Variants in KLHL8 observed in about 807,000 individuals in gnomAD.
The protein encoded by KLHL8 is kelch-like protein 8.
A neutral mutation model predicts 63.5 loss-of-function variants in KLHL8; 38 were observed. The ratio of observed to expected loss-of-function variants is 0.60; its 90% CI spans 0.46 to 0.78. The LOEUF (loss-of-function observed/expected upper bound fraction) is 0.78, where lower values mean the gene tolerates loss of function less well. KLHL8 is among the 30% of genes least tolerant of loss of function. The probability of loss-of-function intolerance (pLI) is 0.00; values close to 1 mark genes in which losing one functional copy is unlikely to be tolerated. For synonymous variants in KLHL8, 224 were observed against 254.3 expected (o/e 0.88, Z 1.13); for missense variants, 566 against 752.4 (o/e 0.75, Z 2.90).
chr4:87,238,815 A>G (rs1733279571), intron 1 of KLHL8, among the ~76,000 whole-genome samples: 1 of 152,234 alleles, frequency 6.6e-6, no homozygotes, highest in South Asian at 2.1e-4. Flanking sequence ...GTGCTCAAGC[A>G]TCCATAATTT....
At chr4:87,208,502 C>T (rs890764367) in intron 1 of KLHL8, among the ~76,000 whole-genome samples, 1 of 151,854 alleles carries the variant, frequency 6.6e-6, no homozygotes, top group South Asian at 2.1e-4. Context: ...CATGCTGGGC[C>T]AATTTTTGTA....
At chr4:87,231,277 T>C (rs1733134216) in intron 1 of KLHL8, among the ~76,000 whole-genome samples, 1 of 152,236 alleles carries the variant, frequency 6.6e-6, no homozygotes, top group South Asian at 2.1e-4. Flanking sequence ...CTTCCCTTTC[T>C]TTCTTTCTTC....
intron 1 of KLHL8, among the ~76,000 whole-genome samples, chr4:87,217,466 C>G (rs1175423774): frequency 1.3e-5 from 2 of 151,956 alleles, no homozygotes; most frequent in Non-Finnish European, 2.9e-5. Flanking sequence ...TCCCGAGTAG[C>G]TGGGACCACA....
upstream of KLHL8, among the ~76,000 whole-genome samples, chr4:87,224,271 A>G (rs972896245): frequency 2.6e-5 from 4 of 152,102 alleles, no homozygotes; most frequent in Admixed American, 2.0e-4. Context: ...TTAAGTCTTT[A>G]TCTTTAATCC....
At chr4:87,187,800 T>TA (rs1217097675) in intron 2 of KLHL8, among the ~76,000 whole-genome samples, 1 of 152,194 alleles carries the variant, frequency 6.6e-6, no homozygotes, top group Admixed American at 6.5e-5. Flanking sequence ...TTATCCCATT[T>TA]TCCCAGGAGT....
chr4:87,171,434 A>T (rs552925698), intron 6 of KLHL8, among the ~76,000 whole-genome samples: 1 of 152,204 alleles, frequency 6.6e-6, no homozygotes, highest in African/African-American at 2.4e-5. Context: ...TTCTAACTCT[A>T]AATTTACCAG....
intron 6 of KLHL8, among the ~76,000 whole-genome samples, chr4:87,172,731 G>C (rs1730682057): frequency 6.6e-6 from 1 of 151,964 alleles, no homozygotes; most frequent in Non-Finnish European, 1.5e-5. Context: ...ATTTCTATCA[G>C]TATAGTCTAA....
intron 1 of KLHL8, among the ~76,000 whole-genome samples, chr4:87,234,465 C>G (rs1323778473): frequency 6.6e-6 from 1 of 151,168 alleles, no homozygotes; most frequent in African/African-American, 2.4e-5. Context: ...TATAGTGGAG[C>G]TGAAAAATTC....
At chr4:87,189,782 G>A (rs1187602316) in intron 2 of KLHL8, among the ~76,000 whole-genome samples, 2 of 152,026 alleles carry the variant, frequency 1.3e-5, no homozygotes, top group African/African-American at 4.8e-5. Context: ...CCAGCACTTT[G>A]GGCGGGATCC....
At chr4:87,186,519 G>T (rs1393973573) in intron 2 of KLHL8, among the ~76,000 whole-genome samples, 1 of 145,882 alleles carries the variant, frequency 6.9e-6, no homozygotes. Context: ...TCACCCTGTT[G>T]CCCAGGCTGG....
chr4:87,227,888 C>T (rs557827346), intron 1 of KLHL8, among the ~76,000 whole-genome samples: 1 of 152,254 alleles, frequency 6.6e-6, no homozygotes, highest in African/African-American at 2.4e-5. Context: ...TATTACATTA[C>T]AGTAAATTAT....
intron 1 of KLHL8, among the ~76,000 whole-genome samples, chr4:87,209,437 A>G (rs989913068): frequency 6.6e-6 from 1 of 152,210 alleles, no homozygotes; most frequent in African/African-American, 2.4e-5. Flanking sequence ...AGGCATATCG[A>G]TCAACAAAAT....
At chr4:87,195,794 T>C (rs1372799374) in intron 1 of KLHL8, 104 bp from the exon 2 acceptor site, 13 of 314,944 alleles carry the variant, frequency 4.1e-5, no homozygotes, top group East Asian at 5.4e-5. Flanking sequence ...ATATCAATCA[T>C]ATTTATAAAA....
chr4:87,180,633 T>C (rs549794653), intron 4 of KLHL8, among the ~76,000 whole-genome samples: 1 of 152,324 alleles, frequency 6.6e-6, no homozygotes, highest in East Asian at 1.9e-4. Flanking sequence ...ACCCAGAGCC[T>C]TTCACATGGT....
At chr4:87,164,306 G>C (rs1220644282) in intron 8 of KLHL8, among the ~76,000 whole-genome samples, 1 of 151,370 alleles carries the variant, frequency 6.6e-6, no homozygotes, top group African/African-American at 2.4e-5. Context: ...TCAATACTAG[G>C]ATTAAAGATC....
chr4:87,175,754 T>C (rs936405244), intron 6 of KLHL8, among the ~76,000 whole-genome samples: 8 of 152,180 alleles, frequency 5.3e-5, no homozygotes, highest in Admixed American at 4.6e-4. Flanking sequence ...GATGAGAATA[T>C]AAATATTAGA....
At chr4:87,228,509 T>C (rs1038131744) in intron 1 of KLHL8, among the ~76,000 whole-genome samples, 2 of 152,248 alleles carry the variant, frequency 1.3e-5, no homozygotes, top group Admixed American at 1.3e-4. Context: ...ACTAAAGACC[T>C]GGAGGCTTTG....
chr4:87,183,064 T>C (rs1731115382), intron 4 of KLHL8, 139 bp downstream of exon 4: 1 of 534,346 alleles, frequency 1.9e-6, no homozygotes, highest in Non-Finnish European at 3.1e-6. Flanking sequence ...AAATTATAAA[T>C]ATATAAAACC....
intron 1 of KLHL8, among the ~76,000 whole-genome samples, chr4:87,199,417 TG>T (rs1345142948): frequency 6.6e-6 from 1 of 151,934 alleles, no homozygotes; most frequent in Non-Finnish European, 1.5e-5. Flanking sequence ...GGAAAACACG[TG>T]GGGAAAAGGA....
Sources: allele counts gnomAD v4.1 joint callset (sites outside exome capture counted in the v4.1 genomes callset), GRCh38; gene constraint gnomAD v4.1.1; transcripts MANE v1.5; gene names NCBI Gene and HGNC (gene_info 2026-07-23, HGNC 2026-07-21).